The following RAB3GAP1 variants were observed in gnomAD, a reference collection of about 807,000 sequenced individuals.
RAB3GAP1 encodes RAB3 GTPase activating protein catalytic subunit 1, also known as rab3 GTPase-activating protein catalytic subunit.
In RAB3GAP1, 86 loss-of-function variants were observed where a neutral mutation model predicts 130.7. That is an observed-to-expected ratio of 0.66 (90% CI 0.55 to 0.79). The LOEUF is 0.79. Among genes scored for constraint, RAB3GAP1 ranks in the 30% least tolerant of loss-of-function variants. The probability of loss-of-function intolerance (pLI) is 0.00; values close to 1 mark genes in which losing one functional copy is unlikely to be tolerated. For missense variants in RAB3GAP1, 1,029 were observed against 1,169.4 expected, an observed-to-expected ratio of 0.88 and a Z score of 1.75; for synonymous variants, 367 against 401.7, an observed-to-expected ratio of 0.91 and a Z score of 1.03.
intron 5 of RAB3GAP1, among the ~76,000 whole-genome samples, chr2:135,106,685 C>T (rs943133999): frequency 2.0e-5 from 3 of 150,850 alleles, no homozygotes; most frequent in Admixed American, 6.6e-5. Context: ...GCTGACCTTC[C>T]CTCCACTATT....
At chr2:135,173,817 T>C (rs906404879), downstream of RAB3GAP1, among the ~76,000 whole-genome samples, 3 of 151,862 alleles carry the variant, frequency 2.0e-5, no homozygotes, top group African/African-American at 7.3e-5. Context: ...TCCTCTCTTC[T>C]GGGCACACTG....
At chr2:135,134,466 A>G (rs565163401) in intron 15 of RAB3GAP1, among the ~76,000 whole-genome samples, 1 of 152,112 alleles carries the variant, frequency 6.6e-6, no homozygotes, top group Non-Finnish European at 1.5e-5. Context: ...TTATACTTTT[A>G]TTTTGTTCTT....
chr2:135,113,574 A>T (rs1021101981), intron 6 of RAB3GAP1, among the ~76,000 whole-genome samples: 8 of 152,170 alleles, frequency 5.3e-5, no homozygotes, highest in Non-Finnish European at 1.0e-4. Context: ...TGATCAGAGC[A>T]TGCACAAATG....
At chr2:135,119,172 G>A (rs1176423809) in intron 7 of RAB3GAP1, among the ~76,000 whole-genome samples, 2 of 143,056 alleles carry the variant, frequency 1.4e-5, no homozygotes, top group Admixed American at 7.2e-5. Context: ...GCAGTGGCAC[G>A]ATCTTGGCTC....
At chr2:135,112,597 T>TCC (rs1346287305) in intron 5 of RAB3GAP1, among the ~76,000 whole-genome samples, 1 of 152,134 alleles carries the variant, frequency 6.6e-6, no homozygotes, top group Non-Finnish European at 1.5e-5. Flanking sequence ...CAGACACTTC[T>TCC]CCCACCAGCT....
chr2:135,106,265 A>C lies in RAB3GAP1; in HGVS notation c.363-6886A>C, dbSNP rs570203027. Reference sequence around the variant, plus strand: ...ACCCCGTCTGGGAGGTGTACCCAACAGCTCATTGAGAACGGGCCATGATGA... The same window carrying C: ...ACCCCGTCTGGGAGGTGTACCCAACCGCTCATTGAGAACGGGCCATGATGA... On this transcript the variant is annotated intron_variant, in intron 5 of 23. Transcript: ENST00000264158. Among the ~76,000 whole-genome samples, 131 of 152,354 alleles carry C rather than the reference A, an allele frequency of 8.6e-4. 1 individual carries two copies. Among genetic ancestry groups the C allele is most frequent in the African/African-American group, 2.8e-3 (118 of 41,586 alleles).
At chr2:135,131,987 C>A (rs566708116) in intron 13 of RAB3GAP1, among the ~76,000 whole-genome samples, 1 of 152,278 alleles carries the variant, frequency 6.6e-6, no homozygotes, top group Non-Finnish European at 1.5e-5. Flanking sequence ...AAACTCTTAG[C>A]CAACTTTTTA....
At chr2:135,076,697 TG>T (rs1400501305) in intron 3 of RAB3GAP1, among the ~76,000 whole-genome samples, 1 of 152,234 alleles carries the variant, frequency 6.6e-6, no homozygotes, top group African/African-American at 2.4e-5. Context: ...CATTTTTAAA[TG>T]TATAGTTCAG....
intron 8 of RAB3GAP1, among the ~76,000 whole-genome samples, chr2:135,121,687 TCTC>T (rs1351437649): frequency 1.4e-4 from 21 of 152,194 alleles, no homozygotes; most frequent in African/African-American, 4.8e-4. Flanking sequence ...TTAATCTACT[TCTC>T]CTAAAGAGAA....
chr2:135,167,396 A>G (rs1232120639), intron 23 of RAB3GAP1, among the ~76,000 whole-genome samples: 2 of 144,528 alleles, frequency 1.4e-5, no homozygotes, highest in South Asian at 4.3e-4. Flanking sequence ...TTTTTTTTGC[A>G]TCATAATTCC....
intron 5 of RAB3GAP1, among the ~76,000 whole-genome samples, chr2:135,100,916 C>T (rs1237754314): frequency 6.6e-6 from 1 of 152,122 alleles, no homozygotes; most frequent in East Asian, 1.9e-4. Context: ...TGTTTCCAGA[C>T]AAGGTGATAC....
intron 18 of RAB3GAP1, among the ~76,000 whole-genome samples, chr2:135,153,401 A>G (rs1343991473): frequency 6.6e-6 from 1 of 152,108 alleles, no homozygotes; most frequent in Non-Finnish European, 1.5e-5. Context: ...TTCTCTTTAC[A>G]TCGAGTTTTT....
At chr2:135,086,486 GTAAT>G (rs1558768904) in intron 3 of RAB3GAP1, among the ~76,000 whole-genome samples, 3 of 151,884 alleles carry the variant, frequency 2.0e-5, no homozygotes, top group East Asian at 1.9e-4. Context: ...TAGTCATCTG[GTAAT>G]TAATCAGAAT....
intron 17 of RAB3GAP1, among the ~76,000 whole-genome samples, chr2:135,149,848 A>G (rs1287571082): frequency 6.6e-6 from 1 of 152,058 alleles, no homozygotes; most frequent in East Asian, 1.9e-4. Context: ...TAGTAGAGAC[A>G]GGGTTTCACC....
chr2:135,162,954 G>A lies in RAB3GAP1; in HGVS notation c.2491-32G>A, dbSNP rs138406382. ...AAGGGCTTTGCTTTTTTGCCATCTC[G>A]CAATGTATGCCTCTTCCTTTTCTAC... On this transcript the variant is annotated intron_variant, in intron 21 of 23. Transcript: ENST00000264158. 3,806 of 1,588,710 alleles carry A rather than the reference G, an allele frequency of 2.4e-3. 16 individuals are homozygous for A. The highest frequency in any genetic ancestry group is 2.7e-3 in the Non-Finnish European group (3,084 of 1,156,862).
In RAB3GAP1 at chr2:135,117,786, G is replaced by GCTTCTTCTTCTTCTTCTT. The variant is rs1164520454; in HGVS notation, c.648+2412_648+2429dup. Among the ~76,000 whole-genome samples the GCTTCTTCTTCTTCTTCTT allele has an allele frequency of 3.1e-3, 368 of 119,300 alleles. 2 individuals are homozygous for GCTTCTTCTTCTTCTTCTT. The highest frequency in any genetic ancestry group is 2.7e-3 in the Non-Finnish European group (154 of 56,406). The allele number at this position is 119,300 out of a possible 152,430, so 78.3% of individuals were successfully genotyped here. Reference sequence around the variant, plus strand: ...TTCTGCTGCTTCTTCTGCTTCTTCTGCTTCTTCTTCTTCTTCTTCTTCTTT... The same window carrying GCTTCTTCTTCTTCTTCTT: ...TTCTGCTGCTTCTTCTGCTTCTTCTGCTTCTTCTTCTTCTTCTTCTTCTTCTTCTTCTTCTTCTTCTTT... On this transcript the variant is annotated intron_variant, in intron 7 of 23. Coordinates refer to ENST00000264158, the MANE Select transcript of RAB3GAP1 (RefSeq NM_012233.3).
intron 15 of RAB3GAP1, among the ~76,000 whole-genome samples, chr2:135,134,748 A>G (rs950812821): frequency 6.6e-6 from 1 of 152,196 alleles, no homozygotes; most frequent in African/African-American, 2.4e-5. Flanking sequence ...ACAGACCCAG[A>G]AGCATGTTGA....
At chr2:135,153,917 C>T in intron 19 of RAB3GAP1, 41 bp downstream of exon 19, 1 of 1,566,200 alleles carries the variant, frequency 6.4e-7, no homozygotes, top group East Asian at 2.2e-5. Flanking sequence ...ATGCAAATTA[C>T]TGTTCTTATG....
chr2:135,117,796 C>CT (rs1224855350), intron 7 of RAB3GAP1, among the ~76,000 whole-genome samples: 1 of 150,860 alleles, frequency 6.6e-6, no homozygotes, highest in African/African-American at 2.5e-5. Flanking sequence ...GCTTCTTCTT[C>CT]TTCTTCTTCT....
Sources: gnomAD v4.1 joint callset for allele counts (sites outside exome capture counted in the v4.1 genomes callset) on GRCh38, gnomAD v4.1.1 for gene constraint, MANE v1.5 for transcripts, NCBI Gene and HGNC (gene_info 2026-07-23, HGNC 2026-07-21) for gene names.